Variants in ERG observed in about 807,000 individuals in gnomAD.
ERG encodes ETS transcription factor ERG.
In ERG, 9 loss-of-function variants were observed where a neutral mutation model predicts 55.3. The ratio of observed to expected loss-of-function variants is 0.16; its 90% CI spans 0.10 to 0.28. ERG has a LOEUF of 0.28. ERG is among the 10% of genes least tolerant of loss of function. The pLI, the probability that ERG is intolerant of heterozygous loss-of-function variation, is 1.00. For missense variants in ERG, 434 were observed against 631.6 expected, an observed-to-expected ratio of 0.69 and a Z score of 3.35; for synonymous variants, 223 against 237.3, an observed-to-expected ratio of 0.94 and a Z score of 0.55.
intron 1 of ERG, among the ~76,000 whole-genome samples, chr21:38,649,327 C>T (rs1445485752): frequency 1.3e-5 from 2 of 152,132 alleles, no homozygotes; most frequent in Non-Finnish European, 2.9e-5. Flanking sequence ...TCAAAGGTCT[C>T]CCTTGATGAT....
At position 38,506,501 on chromosome 21, in the gene ERG, G is replaced by A. The variant is rs2059461750; in HGVS notation, c.-41+69161C>T. ...ATGGAGTATAGCACTTCTAAAAATG[G>A]TACTTTATGTATATATGAAGTAAAA... On this transcript the variant is annotated intron_variant, in intron 2 of 8. Coordinates refer to the ERG transcript ENST00000398897. 2.6e-5 allele frequency among the ~76,000 whole-genome samples: 4 copies of A among 152,076 alleles called. No individual in the cohort carries two copies. The South Asian group carries it at 8.3e-4, about 32-fold the overall frequency.
At chr21:38,657,599 C>CATCTTT (rs2060527194) in intron 1 of ERG, among the ~76,000 whole-genome samples, 1 of 152,066 alleles carries the variant, frequency 6.6e-6, no homozygotes, top group Admixed American at 6.5e-5. Flanking sequence ...GGGAAAGATG[C>CATCTTT]CCCTTTTAAC....
chr21:38,591,726 AC>A (rs1243232437), intron 1 of ERG, among the ~76,000 whole-genome samples: 2 of 152,182 alleles, frequency 1.3e-5, no homozygotes, highest in African/African-American at 4.8e-5. Context: ...AACCAAAAAA[AC>A]AATGAAAACA....
chr21:38,384,665 T>C (rs2146414720), intron 9 of ERG, among the ~76,000 whole-genome samples: 1 of 152,200 alleles, frequency 6.6e-6, no homozygotes, highest in South Asian at 2.1e-4. Context: ...TCAAGTAAGA[T>C]AATAAAAGTT....
intron 1 of ERG, among the ~76,000 whole-genome samples, chr21:38,472,531 T>TC (rs941655688): frequency 9.7e-4 from 147 of 152,018 alleles, no homozygotes; most frequent in African/African-American, 3.5e-3. Context: ...ACTCTAACTC[T>TC]CCCCTGAAAA....
intron 1 of ERG, among the ~76,000 whole-genome samples, chr21:38,656,036 C>T (rs970823183): frequency 4.3e-4 from 66 of 152,178 alleles, no homozygotes; most frequent in Middle Eastern, 3.4e-3. Flanking sequence ...CCCGCCAACC[C>T]ACACGTGATG....
chr21:38,616,320 G>A (rs975477754), intron 1 of ERG, among the ~76,000 whole-genome samples: 19 of 152,028 alleles, frequency 1.2e-4, no homozygotes, highest in African/African-American at 3.1e-4. Context: ...TAATATACCC[G>A]TCTTGATCAT....
intron 1 of ERG, among the ~76,000 whole-genome samples, chr21:38,644,842 C>T (rs1005909359): frequency 3.9e-5 from 6 of 152,022 alleles, no homozygotes; most frequent in African/African-American, 1.5e-4. Flanking sequence ...CATCATTGAC[C>T]CCAGGTGGTA....
At chr21:38,629,171 C>T (rs890831659) in intron 1 of ERG, among the ~76,000 whole-genome samples, 5 of 152,182 alleles carry the variant, frequency 3.3e-5, no homozygotes, top group Non-Finnish European at 7.3e-5. Flanking sequence ...GATGGAAACA[C>T]CTGGATGAGA....
chr21:38,377,965 T>G (rs1391721649), downstream of ERG, among the ~76,000 whole-genome samples: 1 of 152,184 alleles, frequency 6.6e-6, no homozygotes, highest in Non-Finnish European at 1.5e-5. Flanking sequence ...GTTGGCTGCT[T>G]CTCACCATTC....
intron 2 of ERG, among the ~76,000 whole-genome samples, chr21:38,562,039 G>A (rs2059895972): frequency 6.6e-6 from 1 of 152,130 alleles, no homozygotes; most frequent in African/African-American, 2.4e-5. Context: ...CTGGATACCA[G>A]AATCTGAGCA....
intron 2 of ERG, among the ~76,000 whole-genome samples, chr21:38,427,085 T>G (rs1989863336): frequency 6.6e-6 from 1 of 152,098 alleles, no homozygotes; most frequent in South Asian, 2.1e-4. Context: ...TCTGTGACAT[T>G]AAAGTAGATC....
At chr21:38,413,291 G>A (rs1989140878) in intron 3 of ERG, among the ~76,000 whole-genome samples, 1 of 152,112 alleles carries the variant, frequency 6.6e-6, no homozygotes, top group South Asian at 2.1e-4. Flanking sequence ...AATTCCAGGT[G>A]TTTTGCAAAA....
intron 1 of ERG, among the ~76,000 whole-genome samples, chr21:38,634,705 G>GTAACA (rs1490239225): frequency 3.3e-5 from 5 of 152,204 alleles, no homozygotes; most frequent in African/African-American, 7.2e-5. Context: ...TAATGAATCT[G>GTAACA]TAACACTTAT....
At chr21:38,438,048 G>C (rs976328117) in intron 2 of ERG, among the ~76,000 whole-genome samples, 3 of 152,182 alleles carry the variant, frequency 2.0e-5, no homozygotes, top group African/African-American at 7.2e-5. Context: ...CTAAACAGCA[G>C]CCACGATGGC....
chr21:38,417,797 TAA>T (rs916768426), intron 3 of ERG, among the ~76,000 whole-genome samples: 2 of 151,748 alleles, frequency 1.3e-5, no homozygotes, highest in South Asian at 2.1e-4. Flanking sequence ...TCAAAATAAA[TAA>T]ATAAATAAAA....
chr21:38,438,379 C>G (rs1035845444), intron 2 of ERG, among the ~76,000 whole-genome samples: 3 of 152,180 alleles, frequency 2.0e-5, no homozygotes, highest in Non-Finnish European at 4.4e-5. Flanking sequence ...TTTTATCACT[C>G]TATCCCAAGA....
At chr21:38,498,873 G>A (rs2059400827), upstream of ERG, among the ~76,000 whole-genome samples, 1 of 152,166 alleles carries the variant, frequency 6.6e-6, no homozygotes, top group South Asian at 2.1e-4. This position sits in a 1 kb window ranked among gnomAD's most constrained non-coding sequence, Gnocchi z 4.6. Context: ...GAATTACTAG[G>A]ACAGAGGACT....
chr21:38,577,627 T>C (rs2836534), intron 1 of ERG, among the ~76,000 whole-genome samples: 16,004 of 151,892 alleles, frequency 0.11, 996 homozygotes, highest in East Asian at 0.23. Context: ...TCTGGGAGCA[T>C]AGGAATCCTC....
Sources: gnomAD v4.1 joint callset for allele counts (sites outside exome capture counted in the v4.1 genomes callset) on GRCh38, gnomAD v4.1.1 for gene constraint, Gnocchi (gnomAD v3.1) non-coding constraint, MANE v1.5 for transcripts, NCBI Gene and HGNC (gene_info 2026-07-23, HGNC 2026-07-21) for gene names.